Variants in SLC22A23 observed in about 807,000 individuals in gnomAD.
SLC22A23 encodes solute carrier family 22 member 23, also known as ion transporter protein.
A neutral mutation model predicts 61.0 loss-of-function variants in SLC22A23; 26 were observed. That is an observed-to-expected ratio of 0.43 (90% CI 0.31 to 0.59). The LOEUF is 0.59. SLC22A23 is among the 20% of genes least tolerant of loss of function. SLC22A23 has a pLI of 0.11. For synonymous variants in SLC22A23, 430 were observed against 413.9 expected (o/e 1.04, Z -0.47); for missense variants, 796 against 934.7 (o/e 0.85, Z 1.94).
At chr6:3,366,281 C>T (rs896712664) in intron 3 of SLC22A23, among the ~76,000 whole-genome samples, 4 of 129,488 alleles carry the variant, frequency 3.1e-5, no homozygotes, top group Non-Finnish European at 4.7e-5. Flanking sequence ...TGCAGTGAGC[C>T]GAGATCACAC....
intron 3 of SLC22A23, among the ~76,000 whole-genome samples, chr6:3,332,278 A>G (rs532275794): frequency 6.6e-6 from 1 of 152,326 alleles, no homozygotes; most frequent in African/African-American, 2.4e-5. Flanking sequence ...CAATCAGGGA[A>G]TCAGGGGCTG....
At chr6:3,296,693 C>T (rs1761125645) in intron 5 of SLC22A23, among the ~76,000 whole-genome samples, 1 of 152,264 alleles carries the variant, frequency 6.6e-6, no homozygotes, top group South Asian at 2.1e-4. Context: ...GAAGCAAAAG[C>T]TTCAGGCGTC....
At position 3,286,511 on chromosome 6, in the gene SLC22A23, A is replaced by G. The variant is rs1361215536; in HGVS notation, c.1546+348T>C. 1.9e-4 allele frequency among the ~76,000 whole-genome samples: 29 copies of G among 152,140 alleles called. No homozygotes were observed. The highest frequency in any genetic ancestry group is 1.9e-3 in the Admixed American group (29 of 15,272). On this transcript the variant is annotated intron_variant, in intron 7 of 9. Transcript: ENST00000406686. The surrounding 1 kb of genome is among the most constrained non-coding windows in gnomAD (Gnocchi z 4.2). ...AATGCAAGGGTGACAAAACAGATTT[A>G]TTTCCCCCTTAATGTCACTCGAAAG...
At chr6:3,424,357 T>C (rs1353887839) in intron 1 of SLC22A23, among the ~76,000 whole-genome samples, 1 of 152,252 alleles carries the variant, frequency 6.6e-6, no homozygotes, top group African/African-American at 2.4e-5. Flanking sequence ...CCAAAATGAT[T>C]TGACATTGTA....
intron 9 of SLC22A23, among the ~76,000 whole-genome samples, chr6:3,280,253 G>A (rs1381054830): frequency 6.6e-6 from 1 of 152,128 alleles, no homozygotes; most frequent in African/African-American, 2.4e-5. Flanking sequence ...TTTAAGACAA[G>A]GACACTAAAG....
At position 3,342,842 on chromosome 6, in the gene SLC22A23, G is replaced by A. The variant is rs576466016; in HGVS notation, c.914-18840C>T. On this transcript the variant is annotated intron_variant, in intron 3 of 9. Transcript: ENST00000406686. This position sits in a 1 kb window ranked among gnomAD's most constrained non-coding sequence, Gnocchi z 4.0. Reference sequence around the variant, plus strand: ...GGAAAGACAAAGTTTAATCACATATGTATACCGGCAGGAGAGTGCAAAAAA... The same window carrying A: ...GGAAAGACAAAGTTTAATCACATATATATACCGGCAGGAGAGTGCAAAAAA... Among the ~76,000 whole-genome samples the A allele has an allele frequency of 3.9e-5, 6 of 152,260 alleles. No homozygotes were observed. The highest frequency in any genetic ancestry group is 2.1e-4 in the South Asian group (1 of 4,822).
chr6:3,447,895 CTCTTTTTTT>C (rs1771983567), intron 1 of SLC22A23, among the ~76,000 whole-genome samples: 4 of 78,130 alleles, frequency 5.1e-5, no homozygotes, highest in African/African-American at 2.6e-4. Flanking sequence ...GCCTCTCTCT[CTCTTTTTTT>C]TTTTTTTTTT....
chr6:3,289,322 C>G (rs1330912732), intron 6 of SLC22A23, among the ~76,000 whole-genome samples: 1 of 152,258 alleles, frequency 6.6e-6, no homozygotes, highest in Non-Finnish European at 1.5e-5. Flanking sequence ...CCACCTGCCT[C>G]CACCCACGGC....
At chr6:3,334,695 T>G (rs968999584) in intron 3 of SLC22A23, among the ~76,000 whole-genome samples, 1 of 152,180 alleles carries the variant, frequency 6.6e-6, no homozygotes, top group African/African-American at 2.4e-5. Flanking sequence ...GCCCGCCGGG[T>G]GCTAGGGGCG....
chr6:3,287,432 C>T (rs1429480134), intron 6 of SLC22A23, among the ~76,000 whole-genome samples: 1 of 152,124 alleles, frequency 6.6e-6, no homozygotes, highest in Non-Finnish European at 1.5e-5. Flanking sequence ...GGTACTGACT[C>T]ATTTAACCCA....
intron 1 of SLC22A23, among the ~76,000 whole-genome samples, chr6:3,440,881 C>T (rs35962049): frequency 0.16 from 24,016 of 152,180 alleles, 2,092 homozygotes; most frequent in Non-Finnish European, 0.19. Context: ...GGAAATACAT[C>T]TCTGCAGTTG....
In SLC22A23 at chr6:3,386,304, T is replaced by C. The variant is rs974280302; in HGVS notation, c.913+23884A>G. Among the ~76,000 whole-genome samples the C allele has an allele frequency of 1.3e-5, 2 of 151,990 alleles. No homozygotes were observed. The highest frequency in any genetic ancestry group is 4.8e-5 in the African/African-American group (2 of 41,368). ...GGGAGGCAGAAAAGGCTGCTCAGGG[T>C]GGCGGTGGCCCAAGCTGGAGGGCAG... is the stretch of plus-strand genomic sequence containing the variant. On this transcript the variant is annotated intron_variant, in intron 3 of 9. Transcript: ENST00000406686. The surrounding 1 kb of genome is among the most constrained non-coding windows in gnomAD (Gnocchi z 4.4).
At chr6:3,339,545 A>G (rs1357096579) in intron 3 of SLC22A23, among the ~76,000 whole-genome samples, 1 of 152,214 alleles carries the variant, frequency 6.6e-6, no homozygotes, top group African/African-American at 2.4e-5. Flanking sequence ...AGGATGAGAC[A>G]GGAGGTCGGC....
chr6:3,424,149 C>A (rs1770324695), intron 1 of SLC22A23, among the ~76,000 whole-genome samples: 2 of 152,156 alleles, frequency 1.3e-5, no homozygotes. Flanking sequence ...GGTGGCTGCC[C>A]CCACCTACCT....
At chr6:3,290,527 T>G (rs1760486579) in intron 5 of SLC22A23, 2 of 153,614 alleles carry the variant, frequency 1.3e-5, no homozygotes, top group African/African-American at 4.8e-5. Context: ...CAGAAGTCCT[T>G]GGGGGCTGGA....
Position 3,409,881 on chromosome 6 carries a change from A to G in SLC22A23, c.913+307T>C, listed in dbSNP as rs1769094623. On this transcript the variant is annotated intron_variant, in intron 3 of 9. Transcript: ENST00000406686. ...AAGCACACAGGATGTCAATGCAGAC[A>G]ATTCTGAAGAAAACCGAAAGCCTCT... Among the ~76,000 whole-genome samples, 4 of 152,324 alleles carry G rather than the reference A, an allele frequency of 2.6e-5. No individual in the cohort carries two copies. In the South Asian group the frequency reaches 8.3e-4, roughly 32 times the overall value.
At chr6:3,351,360 C>T (rs990130429) in intron 3 of SLC22A23, among the ~76,000 whole-genome samples, 1 of 151,416 alleles carries the variant, frequency 6.6e-6, no homozygotes, top group Non-Finnish European at 1.5e-5. Context: ...AACGAAGGGG[C>T]GAAGGAAAAG....
In SLC22A23 at chr6:3,387,607, G is replaced by A. The variant is rs1475978586; in HGVS notation, c.913+22581C>T. ...GTTTCTCAGCTCTGGGGACCGTAGC[G>A]TGGTTATGTGAGTTCACGTTAGCGG... On this transcript the variant is annotated intron_variant, in intron 3 of 9. Coordinates refer to ENST00000406686, the MANE Select transcript of SLC22A23 (RefSeq NM_015482.2). This position sits in a 1 kb window ranked among gnomAD's most constrained non-coding sequence, Gnocchi z 5.0. Among the ~76,000 whole-genome samples, 4 of 152,354 alleles carry A rather than the reference G, an allele frequency of 2.6e-5. No homozygotes were observed. Among genetic ancestry groups the A allele is most frequent in the East Asian group, 1.9e-4 (1 of 5,190 alleles).
intron 1 of SLC22A23, among the ~76,000 whole-genome samples, chr6:3,419,307 A>G (rs1769958684): frequency 6.6e-6 from 1 of 152,046 alleles, no homozygotes; most frequent in African/African-American, 2.4e-5. Flanking sequence ...ACCCCGATTT[A>G]TAGGGATGGG....
Sources: gnomAD v4.1 joint callset for allele counts (sites outside exome capture counted in the v4.1 genomes callset) on GRCh38, gnomAD v4.1.1 for gene constraint, Gnocchi (gnomAD v3.1) non-coding constraint, MANE v1.5 for transcripts, NCBI Gene and HGNC (gene_info 2026-07-23, HGNC 2026-07-21) for gene names.